CACNA2D1: variants seen among roughly 807,000 people sequenced by gnomAD.
CACNA2D1 encodes calcium voltage-gated channel auxiliary subunit alpha2delta 1.
Under a neutral mutation model 171.5 loss-of-function variants are expected in CACNA2D1, and 53 were observed. The ratio of observed to expected loss-of-function variants is 0.31; its 90% CI spans 0.25 to 0.39. The LOEUF is 0.39. Among genes scored for constraint, CACNA2D1 ranks in the 10% least tolerant of loss-of-function variants. The pLI is 1.00. For synonymous variants in CACNA2D1, 442 were observed against 443.1 expected (o/e 1.00, Z 0.03); for missense variants, 903 against 1,299.8 (o/e 0.69, Z 4.69).
At chr7:82,345,602 T>C (rs1819148793) in intron 2 of CACNA2D1, among the ~76,000 whole-genome samples, 2 of 152,228 alleles carry the variant, frequency 1.3e-5, no homozygotes, top group Admixed American at 6.5e-5. Context: ...ATATTAAGAC[T>C]ATTTAATTTT....
rs377686767 is a variant in CACNA2D1, at chr7:82,267,810, C to A, written c.294+67325G>T. The stretch of plus-strand genomic sequence containing the variant: ...GAGATCAAGACCATCCTGGCTAACA[C>A]GGTGAAACCCCGTCTCTACTAAAAA... On this transcript the variant is annotated intron_variant, in intron 3 of 38. Transcript: ENST00000356860. 2.6e-5 allele frequency among the ~76,000 whole-genome samples: 4 copies of A among 152,018 alleles called. No homozygotes were observed. The East Asian group carries it at 7.8e-4, about 30-fold the overall frequency.
At chr7:82,180,041 C>G (rs569073023) in intron 3 of CACNA2D1, among the ~76,000 whole-genome samples, 35 of 152,202 alleles carry the variant, frequency 2.3e-4, no homozygotes, top group Admixed American at 9.8e-4. Context: ...GAATTAGTCC[C>G]AATTTCAATC....
At chr7:82,251,596 T>C (rs1012893587) in intron 3 of CACNA2D1, among the ~76,000 whole-genome samples, 2 of 152,188 alleles carry the variant, frequency 1.3e-5, no homozygotes, top group African/African-American at 4.8e-5. Flanking sequence ...AAGGACAATA[T>C]GGGTGTGAAA....
Position 82,282,704 on chromosome 7 carries a change from T to TGG in CACNA2D1, c.294+52429_294+52430dup, listed in dbSNP as rs3834350. The stretch of plus-strand genomic sequence containing the variant: ...GTTGTGTAAATAAAATTGTAAAATG[T>TGG]GGGGGGGGGAATCACAGAGGGTTAT... On this transcript the variant is annotated intron_variant, in intron 3 of 38. Transcript: ENST00000356860. Among the ~76,000 whole-genome samples the TGG allele has an allele frequency of 2.3e-4, 33 of 143,390 alleles. No individual in the cohort carries two copies. The East Asian group carries it at 7.1e-3, about 31-fold the overall frequency. 94.1% of individuals were successfully genotyped at this position (143,390 alleles called of 152,430 possible). A position where few individuals can be genotyped will look rare whatever the true frequency, so the allele number is the denominator to read the frequency against.
intron 4 of CACNA2D1, among the ~76,000 whole-genome samples, chr7:82,155,124 A>G (rs937277530): frequency 9.9e-5 from 15 of 152,058 alleles, no homozygotes; most frequent in African/African-American, 3.4e-4. Flanking sequence ...TTCTGCCGTG[A>G]TAGTAACTTT....
intron 34 of CACNA2D1, 45 bp from the exon 35 acceptor site, chr7:81,962,540 T>A (rs1794266457): frequency 7.6e-7 from 1 of 1,315,242 alleles, no homozygotes; most frequent in African/African-American, 1.5e-5. Flanking sequence ...AGGGAAAAAA[T>A]GTGTTTTTAC....
At chr7:82,006,817 A>G (rs576819883) in intron 16 of CACNA2D1, among the ~76,000 whole-genome samples, 69 of 152,258 alleles carry the variant, frequency 4.5e-4, no homozygotes, top group African/African-American at 1.6e-3. Flanking sequence ...ACTGTTTTCT[A>G]TGGCCACCTT....
At chr7:82,017,634 T>A (rs1353270476) in intron 12 of CACNA2D1, among the ~76,000 whole-genome samples, 1 of 152,082 alleles carries the variant, frequency 6.6e-6, no homozygotes, top group Non-Finnish European at 1.5e-5. Context: ...TCTTTAAACT[T>A]ACAGTTCTTG....
At position 82,050,009 on chromosome 7, in the gene CACNA2D1, T is replaced by C. The variant is rs1022064834; in HGVS notation, c.879+10419A>G. ...TTTTAAGTTCAAATTGTGCAGCAAT[T>C]TACAATTGTACTCATTTTCATAGGC... On this transcript the variant is annotated intron_variant, in intron 10 of 38. Coordinates refer to ENST00000356860, the MANE Select transcript of CACNA2D1 (RefSeq NM_000722.4). 9.2e-5 allele frequency among the ~76,000 whole-genome samples: 14 copies of C among 152,174 alleles called. No homozygotes were observed. In the East Asian group the frequency reaches 2.5e-3, roughly 27 times the overall value.
chr7:82,067,522 A>T (rs2128987002), intron 7 of CACNA2D1, among the ~76,000 whole-genome samples: 1 of 152,144 alleles, frequency 6.6e-6, no homozygotes, highest in East Asian at 1.9e-4. Context: ...TGACTGTGAA[A>T]TTTTTTTCTT....
intron 4 of CACNA2D1, among the ~76,000 whole-genome samples, chr7:82,147,131 G>A (rs1483685871): frequency 6.7e-6 from 1 of 150,228 alleles, no homozygotes; most frequent in Non-Finnish European, 1.5e-5. Context: ...GCTCGAATAA[G>A]TTAAAAGGTA....
At chr7:82,395,427 G>T (rs778627791) in intron 1 of CACNA2D1, among the ~76,000 whole-genome samples, 2 of 152,244 alleles carry the variant, frequency 1.3e-5, no homozygotes, top group South Asian at 2.1e-4. Flanking sequence ...CTGCTTTTCA[G>T]ATTTTAATTT....
intron 7 of CACNA2D1, among the ~76,000 whole-genome samples, chr7:82,077,047 G>A (rs1809050187): frequency 6.6e-6 from 1 of 151,950 alleles, no homozygotes; most frequent in Admixed American, 6.6e-5. Context: ...AAGTGACTTG[G>A]CATTTAGTCA....
chr7:82,085,045 G>A (rs140943942), intron 6 of CACNA2D1, 145 bp from the exon 7 acceptor site: 12 of 730,802 alleles, frequency 1.6e-5, no homozygotes, highest in Admixed American at 1.6e-4. Flanking sequence ...ACAAGTTTTC[G>A]ACACTTTAGA....
At chr7:82,287,254 T>TC (rs1439945259) in intron 3 of CACNA2D1, among the ~76,000 whole-genome samples, 2 of 126,268 alleles carry the variant, frequency 1.6e-5, no homozygotes, top group African/African-American at 6.8e-5. Flanking sequence ...TGGCTTCTTC[T>TC]TTTCTTTCTT....
At chr7:82,116,515 G>T (rs1584804344) in intron 6 of CACNA2D1, among the ~76,000 whole-genome samples, 1 of 152,252 alleles carries the variant, frequency 6.6e-6, no homozygotes, top group African/African-American at 2.4e-5. Flanking sequence ...TTGGCTGGAA[G>T]CCCACAATAC....
intron 38 of CACNA2D1, among the ~76,000 whole-genome samples, chr7:81,957,503 C>T (rs1176986594): frequency 3.9e-5 from 6 of 152,130 alleles, no homozygotes; most frequent in Middle Eastern, 6.8e-3. Flanking sequence ...AAGATAGGAG[C>T]TGACATCATG....
chr7:81,996,482 C>T (rs1237230333), intron 19 of CACNA2D1, among the ~76,000 whole-genome samples: 1 of 151,772 alleles, frequency 6.6e-6, no homozygotes, highest in Non-Finnish European at 1.5e-5. Flanking sequence ...ATCTAGAATG[C>T]AAGAGCCAAG....
intron 3 of CACNA2D1, among the ~76,000 whole-genome samples, chr7:82,315,111 T>TG (rs1814951658): frequency 6.6e-6 from 1 of 151,452 alleles, no homozygotes; most frequent in Non-Finnish European, 1.5e-5. Context: ...CACTCCAGCC[T>TG]GGGTGACAGA....
Sources: allele counts gnomAD v4.1 joint callset (sites outside exome capture counted in the v4.1 genomes callset), GRCh38; gene constraint gnomAD v4.1.1; transcripts MANE v1.5; gene names NCBI Gene and HGNC (gene_info 2026-07-23, HGNC 2026-07-21).